ZNF804B: variants seen among roughly 807,000 people sequenced by gnomAD.
The protein encoded by ZNF804B is zinc finger 804B.
A neutral mutation model predicts 101.4 loss-of-function variants in ZNF804B; 80 were observed. The observed-to-expected ratio is 0.79, with a 90% CI of 0.66 to 0.95. The LOEUF (loss-of-function observed/expected upper bound fraction) is 0.95. Ranked by LOEUF, ZNF804B falls within the 40% of genes least tolerant of loss-of-function variation. ZNF804B has a pLI of 0.00. For synonymous variants in ZNF804B, 622 were observed against 558.8 expected (o/e 1.11, Z -1.59); for missense variants, 1,673 against 1,561.9 (o/e 1.07, Z -1.20).
chr7:89,106,619 A>C (rs1254761179), intron 1 of ZNF804B, among the ~76,000 whole-genome samples: 1 of 152,268 alleles, frequency 6.6e-6, no homozygotes, highest in Admixed American at 6.5e-5. Flanking sequence ...CCATTCTTTA[A>C]GAAAGTCCCT....
At chr7:88,848,677 T>C (rs1255857179) in intron 1 of ZNF804B, among the ~76,000 whole-genome samples, 1 of 147,270 alleles carries the variant, frequency 6.8e-6, no homozygotes, top group Admixed American at 6.8e-5. Context: ...CGGACTTGAT[T>C]AGGAGAAAGG....
chr7:88,830,718 C>T (rs973765444), intron 1 of ZNF804B, among the ~76,000 whole-genome samples: 3 of 151,760 alleles, frequency 2.0e-5, no homozygotes, highest in African/African-American at 7.3e-5. Context: ...TTAGATTTCA[C>T]CAGTTTTTAT....
intron 1 of ZNF804B, among the ~76,000 whole-genome samples, chr7:88,873,353 T>G (rs1409307575): frequency 6.6e-6 from 1 of 152,246 alleles, no homozygotes; most frequent in African/African-American, 2.4e-5. Context: ...GAGTTCATTG[T>G]AGATTCTTGA....
intron 1 of ZNF804B, among the ~76,000 whole-genome samples, chr7:88,966,361 T>C (rs1216112598): frequency 1.3e-5 from 2 of 151,554 alleles, no homozygotes; most frequent in Non-Finnish European, 3.0e-5. Context: ...TCTATAACTA[T>C]TGCAACTAAT....
intron 1 of ZNF804B, among the ~76,000 whole-genome samples, chr7:88,951,304 G>T (rs991071681): frequency 1.3e-5 from 2 of 151,848 alleles, no homozygotes; most frequent in African/African-American, 2.4e-5. Context: ...GTATGCACTT[G>T]CAGACATTGC....
At chr7:89,029,250 T>A (rs942685123) in intron 1 of ZNF804B, among the ~76,000 whole-genome samples, 1 of 152,068 alleles carries the variant, frequency 6.6e-6, no homozygotes, top group African/African-American at 2.4e-5. Context: ...ATTACAGGCA[T>A]GCACCATCAC....
chr7:89,120,343 A>G (rs1790382444), intron 1 of ZNF804B, among the ~76,000 whole-genome samples: 2 of 151,940 alleles, frequency 1.3e-5, no homozygotes, highest in South Asian at 4.2e-4. Flanking sequence ...CAGAAAACAC[A>G]CTTACCAAAG....
chr7:88,787,975 A>T (rs80352659), intron 1 of ZNF804B, among the ~76,000 whole-genome samples: 2 of 152,176 alleles, frequency 1.3e-5, no homozygotes, highest in Non-Finnish European at 2.9e-5. Context: ...GCTGTCAATC[A>T]TAAAAAGAAA....
At chr7:88,937,653 T>C (rs1283629991) in intron 1 of ZNF804B, among the ~76,000 whole-genome samples, 1 of 151,226 alleles carries the variant, frequency 6.6e-6, no homozygotes, top group Non-Finnish European at 1.5e-5. Flanking sequence ...TAATCTAATT[T>C]CTTGTAAGAT....
At chr7:88,793,054 A>G (rs1285943494) in intron 1 of ZNF804B, among the ~76,000 whole-genome samples, 5 of 152,054 alleles carry the variant, frequency 3.3e-5, no homozygotes, top group Non-Finnish European at 7.4e-5. Context: ...ATGAAAAAAA[A>G]ATAATAAAAA....
chr7:88,836,500 G>A (rs944531636), intron 1 of ZNF804B, among the ~76,000 whole-genome samples: 3 of 151,790 alleles, frequency 2.0e-5, no homozygotes, highest in Non-Finnish European at 2.9e-5. Flanking sequence ...TTCAGATAGA[G>A]TTCTATTTTT....
At chr7:89,126,770 T>C (rs185042136) in intron 1 of ZNF804B, among the ~76,000 whole-genome samples, 1 of 152,046 alleles carries the variant, frequency 6.6e-6, no homozygotes, top group African/African-American at 2.4e-5. Flanking sequence ...AAGCTATTTC[T>C]CTTCTTTAAA....
intron 2 of ZNF804B, among the ~76,000 whole-genome samples, chr7:89,229,353 AC>A (rs1789151684): frequency 6.6e-6 from 1 of 152,206 alleles, no homozygotes; most frequent in African/African-American, 2.4e-5. Flanking sequence ...AAATATAAAG[AC>A]CGATTAAAAG....
intron 1 of ZNF804B, among the ~76,000 whole-genome samples, chr7:89,035,763 A>C (rs1788915591): frequency 1.3e-5 from 2 of 151,300 alleles, no homozygotes; most frequent in African/African-American, 4.8e-5. Context: ...CTGATTTAAG[A>C]ACAGGAAAAA....
intron 1 of ZNF804B, among the ~76,000 whole-genome samples, chr7:89,207,688 T>C (rs2115667621): frequency 6.6e-6 from 1 of 152,304 alleles, no homozygotes; most frequent in East Asian, 1.9e-4. Flanking sequence ...TATACCACCA[T>C]ATATATTTCA....
chr7:89,180,007 G>T (rs1788273129), intron 1 of ZNF804B, among the ~76,000 whole-genome samples: 1 of 152,104 alleles, frequency 6.6e-6, no homozygotes, highest in Non-Finnish European at 1.5e-5. Flanking sequence ...AACTAACTGA[G>T]TCTCTTTCTC....
chr7:89,184,913 A>G (rs373222897), intron 1 of ZNF804B, among the ~76,000 whole-genome samples: 31 of 152,256 alleles, frequency 2.0e-4, no homozygotes, highest in African/African-American at 6.7e-4. Context: ...AATCTGGGAG[A>G]AAATTTTAAT....
chr7:89,171,346 CTT>C (rs1562904538), intron 1 of ZNF804B, among the ~76,000 whole-genome samples: 65 of 132,724 alleles, frequency 4.9e-4, no homozygotes, highest in African/African-American at 1.2e-3. Context: ...TCTTCTTCTT[CTT>C]CTTCTTCTTC....
At chr7:89,128,728 T>G (rs1790506587) in intron 1 of ZNF804B, among the ~76,000 whole-genome samples, 1 of 152,082 alleles carries the variant, frequency 6.6e-6, no homozygotes, top group Non-Finnish European at 1.5e-5. Flanking sequence ...CTCATCTCTC[T>G]GTTTTTTCTA....
Sources: allele counts gnomAD v4.1 joint callset (sites outside exome capture counted in the v4.1 genomes callset), GRCh38; gene constraint gnomAD v4.1.1; transcripts MANE v1.5; gene names NCBI Gene and HGNC (gene_info 2026-07-23, HGNC 2026-07-21).